The following SLC4A10 variants were observed in gnomAD, a reference collection of about 807,000 sequenced individuals.
SLC4A10 encodes solute carrier family 4 member 10.
In SLC4A10, 42 loss-of-function variants were observed where a neutral mutation model predicts 137.7. That is an observed-to-expected ratio of 0.30 (90% CI 0.24 to 0.39). The LOEUF is 0.39. SLC4A10 is among the 10% of genes least tolerant of loss of function. SLC4A10 has a pLI of 1.00. For missense variants in SLC4A10, 925 were observed against 1,355.0 expected (o/e 0.68, Z 4.98); for synonymous variants, 474 against 464.1 (o/e 1.02, Z -0.27).
intron 15 of SLC4A10, among the ~76,000 whole-genome samples, chr2:161,918,027 G>T (rs959404504): frequency 1.3e-5 from 2 of 152,182 alleles, no homozygotes; most frequent in African/African-American, 4.8e-5. Context: ...ACTGCACTGC[G>T]TTGTGGGTCA....
At chr2:161,838,986 A>T (rs1250591923) in intron 3 of SLC4A10, among the ~76,000 whole-genome samples, 1 of 152,224 alleles carries the variant, frequency 6.6e-6, no homozygotes, top group Non-Finnish European at 1.5e-5. Flanking sequence ...AATAAAATTT[A>T]TGTTTACACC....
chr2:161,890,034 T>C (rs1466763553), intron 10 of SLC4A10, among the ~76,000 whole-genome samples: 2 of 152,212 alleles, frequency 1.3e-5, no homozygotes, highest in Admixed American at 1.3e-4. Context: ...TCTGCTTTAA[T>C]TTCGTTATTT....
intron 2 of SLC4A10, among the ~76,000 whole-genome samples, chr2:161,785,682 A>G (rs186932767): frequency 1.7e-4 from 26 of 151,956 alleles, no homozygotes; most frequent in Admixed American, 1.4e-3. Context: ...TGTAGAAGGG[A>G]TGTAGCTCAA....
At chr2:161,875,697 C>T (rs2061415602) in intron 8 of SLC4A10, among the ~76,000 whole-genome samples, 1 of 152,174 alleles carries the variant, frequency 6.6e-6, no homozygotes, top group Non-Finnish European at 1.5e-5. Context: ...TAATTTTCTA[C>T]ATAGAAAGAA....
chr2:161,884,659 A>G lies in SLC4A10; in HGVS notation c.1194+2215A>G, dbSNP rs371174033. ...CTTGAAAGTTTCAGAGCATGGCTTTAGGTAATCATTGTAGATTATGGGATA... is the reference window on the plus strand; with the variant it reads ...CTTGAAAGTTTCAGAGCATGGCTTTGGGTAATCATTGTAGATTATGGGATA... On this transcript the variant is annotated intron_variant, in intron 10 of 26. Coordinates refer to ENST00000446997, the MANE Select transcript of SLC4A10 (RefSeq NM_001178015.2). Among the ~76,000 whole-genome samples, 35 of 152,310 alleles carry G rather than the reference A, an allele frequency of 2.3e-4. No homozygotes were observed. The South Asian group carries it at 7.0e-3, about 31-fold the overall frequency.
At chr2:161,859,428 C>CT (rs1386985730) in intron 5 of SLC4A10, among the ~76,000 whole-genome samples, 5 of 150,996 alleles carry the variant, frequency 3.3e-5, no homozygotes, top group Admixed American at 3.3e-4. Context: ...GTACCTGGGA[C>CT]TACAGGCACA....
intron 6 of SLC4A10, among the ~76,000 whole-genome samples, chr2:161,867,395 A>G (rs1034220170): frequency 6.6e-6 from 1 of 152,036 alleles, no homozygotes; most frequent in Non-Finnish European, 1.5e-5. Context: ...GAAAAAATAA[A>G]GCTAGAATAA....
intron 26 of SLC4A10, among the ~76,000 whole-genome samples, chr2:161,978,124 C>T (rs549162439): frequency 6.6e-6 from 1 of 152,230 alleles, no homozygotes; most frequent in African/African-American, 2.4e-5. Context: ...GTGACTCATG[C>T]TTGTAATCCC....
At chr2:161,729,016 A>C (rs1226374506) in intron 1 of SLC4A10, among the ~76,000 whole-genome samples, 1 of 152,156 alleles carries the variant, frequency 6.6e-6, no homozygotes, top group African/African-American at 2.4e-5. Flanking sequence ...AGAAAAAAAA[A>C]ATCAGGAAAC....
At chr2:161,890,883 C>T (rs1057499591) in intron 10 of SLC4A10, among the ~76,000 whole-genome samples, 15 of 152,110 alleles carry the variant, frequency 9.9e-5, no homozygotes, top group African/African-American at 3.1e-4. Context: ...TCTGTTTCTT[C>T]ATAGTGTCAA....
intron 12 of SLC4A10, among the ~76,000 whole-genome samples, chr2:161,903,205 CA>C (rs2105321302): frequency 6.6e-6 from 1 of 152,244 alleles, no homozygotes; most frequent in Admixed American, 6.5e-5. Flanking sequence ...AATTATCTTT[CA>C]AGTGTTTCAA....
intron 1 of SLC4A10, among the ~76,000 whole-genome samples, chr2:161,745,853 G>A (rs536259612): frequency 6.6e-6 from 1 of 152,278 alleles, no homozygotes; most frequent in South Asian, 2.1e-4. Context: ...TGGTGGTGTT[G>A]TGTAAAATCT....
intron 1 of SLC4A10, among the ~76,000 whole-genome samples, chr2:161,738,742 T>A (rs2047592531): frequency 6.6e-6 from 1 of 152,216 alleles, no homozygotes; most frequent in South Asian, 2.1e-4. Context: ...TTCTTTTTTC[T>A]CTTCATTTGT....
intron 1 of SLC4A10, among the ~76,000 whole-genome samples, chr2:161,645,141 T>C (rs2035859611): frequency 6.6e-6 from 1 of 152,090 alleles, no homozygotes; most frequent in Non-Finnish European, 1.5e-5. Flanking sequence ...AAAAAGGAAA[T>C]AGAAAAAAGT....
intron 19 of SLC4A10, among the ~76,000 whole-genome samples, chr2:161,953,106 A>C (rs1695077546): frequency 6.6e-6 from 1 of 152,148 alleles, no homozygotes; most frequent in Admixed American, 6.5e-5. Flanking sequence ...GAAATTGTTT[A>C]ATGAATCATG....
At chr2:161,911,226 C>A (rs947219181) in intron 15 of SLC4A10, among the ~76,000 whole-genome samples, 3 of 151,848 alleles carry the variant, frequency 2.0e-5, no homozygotes, top group Non-Finnish European at 4.4e-5. Flanking sequence ...TTTAACAGCA[C>A]TCTTAAAGAT....
intron 19 of SLC4A10, among the ~76,000 whole-genome samples, chr2:161,953,994 T>G (rs1231564121): frequency 6.6e-6 from 1 of 152,140 alleles, no homozygotes; most frequent in Non-Finnish European, 1.5e-5. Context: ...TAAAATCTTA[T>G]AAAAAAGAAA....
intron 4 of SLC4A10, among the ~76,000 whole-genome samples, chr2:161,853,026 G>A (rs1313793113): frequency 6.6e-6 from 1 of 152,066 alleles, no homozygotes; most frequent in Non-Finnish European, 1.5e-5. Flanking sequence ...TTGTTCCTTT[G>A]TGATATTGAA....
At chr2:161,915,957 G>A (rs1302970138) in intron 15 of SLC4A10, among the ~76,000 whole-genome samples, 1 of 152,152 alleles carries the variant, frequency 6.6e-6, no homozygotes, top group Non-Finnish European at 1.5e-5. Context: ...AAAGGTATAT[G>A]ATGCCAAGAG....
Sources: allele counts gnomAD v4.1 joint callset (sites outside exome capture counted in the v4.1 genomes callset), GRCh38; gene constraint gnomAD v4.1.1; transcripts MANE v1.5; gene names NCBI Gene and HGNC (gene_info 2026-07-23, HGNC 2026-07-21).